Variants in CCDC80 observed in about 807,000 individuals in gnomAD.
The protein encoded by CCDC80 is coiled-coil domain containing 80.
Under a neutral mutation model 78.7 loss-of-function variants are expected in CCDC80, and 49 were observed. That is an observed-to-expected ratio of 0.62 (90% CI 0.50 to 0.79). CCDC80 has a LOEUF of 0.79. Ranked by LOEUF, CCDC80 falls within the 30% of genes least tolerant of loss-of-function variation. The probability of loss-of-function intolerance (pLI) is 0.00; values close to 1 mark genes in which losing one functional copy is unlikely to be tolerated. For synonymous variants in CCDC80, 488 were observed against 447.0 expected (o/e 1.09, Z -1.16); for missense variants, 1,205 against 1,198.6 (o/e 1.01, Z -0.08).
chr3:112,616,748 T>G lies in CCDC80; in HGVS notation c.2283A>C (p.Lys761Asn). ...EKQKKEGIVC[K>N]EDKKQSLENF... is the part of the protein sequence containing the mutation. Reference sequence around the variant, plus strand: ...TCTCCAGGGACTGCTTTTTGTCCTCTTTGCAAACAATGCCCTCCTTCTTCT... The same window carrying G: ...TCTCCAGGGACTGCTTTTTGTCCTCGTTGCAAACAATGCCCTCCTTCTTCT... The change falls in exon 5 of 8, where the codon AAA becomes AAC. Residue 761 changes from lysine (K) to asparagine (N), a missense_variant. Coordinates refer to ENST00000206423, the MANE Select transcript of CCDC80 (RefSeq NM_199511.3). 1 of 1,614,222 alleles carries G rather than the reference T, an allele frequency of 6.2e-7. No individual in the cohort carries two copies. Among genetic ancestry groups the G allele is most frequent in the Non-Finnish European group, 8.5e-7 (1 of 1,180,022 alleles).
chr3:112,605,594 T>G lies in CCDC80; in HGVS notation c.2676A>C (p.Leu892Phe). 6.2e-7 allele frequency: 1 copy of G among 1,614,186 alleles called. No individual in the cohort carries two copies. The highest frequency in any genetic ancestry group is 8.5e-7 in the Non-Finnish European group (1 of 1,180,022). ...GTCTCCGAAGTTGCATCGAATCAATTAAATCGTACACAATCACCATGGACC... is the reference window on the plus strand; with the variant it reads ...GTCTCCGAAGTTGCATCGAATCAATGAAATCGTACACAATCACCATGGACC... ...PMWSMVIVYD[L>F]IDSMQLRRQE... Residue 892 changes from leucine (L) to phenylalanine (F), a missense_variant, in exon 8 of 8, where the codon TTA becomes TTC. Transcript: ENST00000206423.
Position 112,605,453 on chromosome 3 carries a change from A to G in CCDC80, c.2817T>C (p.Arg939=), listed in dbSNP as rs776666983. 5.6e-6 allele frequency: 9 copies of G among 1,614,026 alleles called. No individual in the cohort carries two copies. In the East Asian group the frequency reaches 8.9e-5, roughly 16 times the overall value. ...GYQDGYQDDY[R]HHESYHHGYP... is the part of the protein sequence containing the mutation. ...ATCCATGGTGATAACTCTCATGATG[A>G]CGGTAGTCATCCTGGTAACCATCCT... Residue 939 remains arginine (R), a synonymous_variant, in exon 8 of 8, where the codon CGT becomes CGC. Coordinates refer to ENST00000206423, the MANE Select transcript of CCDC80 (RefSeq NM_199511.3).
chr3:112,620,559 T>G (rs991498187), intron 3 of CCDC80, among the ~76,000 whole-genome samples: 3 of 152,154 alleles, frequency 2.0e-5, no homozygotes, highest in Non-Finnish European at 4.4e-5. Context: ...ACTTTATTCC[T>G]GGTTGTAAGG....
Position 112,638,674 on chromosome 3 carries a change from G to A in CCDC80, c.1232C>T (p.Ser411Leu). The A allele has an allele frequency of 6.2e-7, 1 of 1,614,034 alleles. No individual in the cohort carries two copies. The highest frequency in any genetic ancestry group is 8.5e-7 in the Non-Finnish European group (1 of 1,180,006). The change falls in exon 2 of 8, where the codon TCA becomes TTA. Residue 411 changes from serine (S) to leucine (L), a missense_variant. By Grantham distance (145) the Ser-to-Leu change is moderately radical. Coordinates refer to ENST00000206423, the MANE Select transcript of CCDC80 (RefSeq NM_199511.3). Reference protein sequence around the residue: ...EVITARRPSVSENLYPPSRKD... With the variant: ...EVITARRPSVLENLYPPSRKD... ...CCGGGATGGAGGGTAAAGATTCTCT[G>A]AAACTGAGGGTCTCCTGGCAGTGAT...
Position 112,597,290 on chromosome 3 carries a change from A to T in CCDC80, c.*8127T>A, listed in dbSNP as rs1219586776. 6.6e-6 allele frequency: 1 copy of T among 152,218 alleles called. No homozygotes were observed. Among genetic ancestry groups the T allele is most frequent in the Admixed American group, 6.6e-5 (1 of 15,264 alleles). 9.4% of individuals were successfully genotyped at this position (152,218 alleles called of 1,614,324 possible). A position where few individuals can be genotyped will look rare whatever the true frequency, so the allele number is the denominator to read the frequency against. The stretch of plus-strand genomic sequence containing the variant: ...TTAGGAAGCTAAGTGGGTAAGAAAG[A>T]AAAAATAAAGGCAGAGCATAACGAT... On this transcript the variant is annotated 3_prime_UTR_variant, in exon 8 of 8. Coordinates refer to ENST00000206423, the MANE Select transcript of CCDC80 (RefSeq NM_199511.3).
At position 112,639,316 on chromosome 3, in the gene CCDC80, CCTT is replaced by C; in HGVS notation, c.587_589del (p.Glu196del). 6.2e-7 allele frequency: 1 copy of C among 1,614,198 alleles called. No homozygotes were observed. Among genetic ancestry groups the C allele is most frequent in the Non-Finnish European group, 8.5e-7 (1 of 1,180,032 alleles). ...GCTGGTGATCCTTCTCACCTTGCCT[CCTT>C]CCTCACCTGCCTGGTGGAAGAGCAC... On this transcript the variant is annotated inframe_deletion, in exon 2 of 8. Coordinates refer to ENST00000206423, the MANE Select transcript of CCDC80 (RefSeq NM_199511.3).
chr3:112,599,745 C>T lies in CCDC80; in HGVS notation c.*5672G>A, dbSNP rs1935342564. On this transcript the variant is annotated 3_prime_UTR_variant, in exon 8 of 8. Transcript: ENST00000206423. The stretch of plus-strand genomic sequence containing the variant: ...ATTATATTACAGAAAATGGGACCAG[C>T]TGGGTTGCACCCACTCCCCTGTGTC... 6.6e-6 allele frequency: 1 copy of T among 152,192 alleles called. No individual in the cohort carries two copies. The highest frequency in any genetic ancestry group is 2.1e-4 in the South Asian group (1 of 4,830). 9.4% of individuals were successfully genotyped at this position (152,192 alleles called of 1,614,324 possible).
At position 112,638,650 on chromosome 3, in the gene CCDC80, C is replaced by T. The variant is rs371496097; in HGVS notation, c.1256G>A (p.Arg419Gln). ...TGGCCTCTCCCTGTGCTGATCCTTC[C>T]GGGATGGAGGGTAAAGATTCTCTGA... The part of the protein sequence containing the change: ...SVSENLYPPS[R>Q]KDQHRERPQT... Residue 419 changes from arginine to glutamine, a missense_variant, in exon 2 of 8, where the codon CGG (arginine) becomes CAG (glutamine). Coordinates refer to ENST00000206423, the MANE Select transcript of CCDC80 (RefSeq NM_199511.3). 5.5e-5 allele frequency: 88 copies of T among 1,613,896 alleles called. No homozygotes were observed. The highest frequency in any genetic ancestry group is 6.7e-5 in the East Asian group (3 of 44,864).
intron 2 of CCDC80, among the ~76,000 whole-genome samples, chr3:112,633,804 C>T (rs572769953): frequency 3.9e-4 from 59 of 152,326 alleles, no homozygotes; most frequent in African/African-American, 1.3e-3. Flanking sequence ...TCTAGTTGGG[C>T]TGTATTTCAG....
chr3:112,605,451 T>C lies in CCDC80; in HGVS notation c.2819A>G (p.His940Arg), dbSNP rs747121351. 2.5e-5 allele frequency: 40 copies of C among 1,613,922 alleles called. No homozygotes were observed. The highest frequency in any genetic ancestry group is 2.5e-6 in the Non-Finnish European group (3 of 1,179,944). Residue 940 changes from histidine (H) to arginine (R), a missense_variant, in exon 8 of 8, where the codon CAT (histidine) becomes CGT (arginine). Coordinates refer to ENST00000206423, the MANE Select transcript of CCDC80 (RefSeq NM_199511.3). ...GTATCCATGGTGATAACTCTCATGA[T>C]GACGGTAGTCATCCTGGTAACCATC... ...YQDGYQDDYR[H>R]HESYHHGYPY
At position 112,610,039 on chromosome 3, in the gene CCDC80, G is replaced by T. The variant is rs763580261; in HGVS notation, c.2364C>A (p.Asn788Lys). The T allele has an allele frequency of 6.2e-7, 1 of 1,613,944 alleles. No homozygotes were observed. Among genetic ancestry groups the T allele is most frequent in the Non-Finnish European group, 8.5e-7 (1 of 1,179,968 alleles). The change falls in exon 6 of 8, where the codon AAC (asparagine) becomes AAA (lysine). Residue 788 changes from asparagine to lysine, a missense_variant. Asn to Lys is a moderately conservative substitution (Grantham distance 94). Transcript: ENST00000206423. ...GCTGTGAATAGGCCCAGTCTTCATC[G>T]TTAGGAGCAGAGATCACCAGCAACC... is the stretch of plus-strand genomic sequence containing the variant. ...RRRLLVISAP[N>K]DEDWAYSQQL...
chr3:112,629,339 GA>G (rs1196888353), intron 3 of CCDC80, among the ~76,000 whole-genome samples: 2 of 150,116 alleles, frequency 1.3e-5, no homozygotes, highest in Non-Finnish European at 3.0e-5. Context: ...GTGCATATAA[GA>G]AAAAAAGCTT....
Position 112,619,012 on chromosome 3 carries a change from T to G in CCDC80, c.2128A>C (p.Asn710His). Residue 710 changes from asparagine to histidine, a missense_variant, in exon 4 of 8, where the codon AAT (asparagine) becomes CAT (histidine). By Grantham distance (68) the Asn-to-His change is moderately conservative (BLOSUM62 1). Transcript: ENST00000206423. ...ELRKEYGMTY[N>H]DFFMVLTDVD... ...TCTGTTAGCACCATGAAGAAGTCAT[T>G]GTAGGTCATTCCGTACTCTTTCCTC... 1 of 1,613,670 alleles carries G rather than the reference T, an allele frequency of 6.2e-7. No homozygotes were observed. The highest frequency in any genetic ancestry group is 8.5e-7 in the Non-Finnish European group (1 of 1,179,858).
Position 112,601,020 on chromosome 3 carries a change from A to C in CCDC80, c.*4397T>G, listed in dbSNP as rs1576775106. ...TGTACAGACTATCCAAGAAAAAATG[A>C]GGAGGAAAGTGCTCCATCAAGGAAG... On this transcript the variant is annotated 3_prime_UTR_variant, in exon 8 of 8. Transcript: ENST00000206423. The C allele has an allele frequency of 6.6e-6, 1 of 152,322 alleles. No individual in the cohort carries two copies. The highest frequency in any genetic ancestry group is 2.1e-4 in the South Asian group (1 of 4,824). 9.4% of individuals were successfully genotyped at this position (152,322 alleles called of 1,614,324 possible). A position where few individuals can be genotyped will look rare whatever the true frequency, so the allele number is the denominator to read the frequency against.
At chr3:112,610,311 G>A (rs1371544246) in intron 5 of CCDC80, 3 of 523,770 alleles carry the variant, frequency 5.7e-6, no homozygotes, top group African/African-American at 3.8e-5. Flanking sequence ...TTTGCATGAC[G>A]TGTCAAGCAT....
Position 112,639,649 on chromosome 3 carries a change from G to A in CCDC80, c.257C>T (p.Ala86Val). 6.2e-7 allele frequency: 1 copy of A among 1,614,152 alleles called. No individual in the cohort carries two copies. The change falls in exon 2 of 8, where the codon GCT becomes GTT. Residue 86 changes from alanine (A) to valine (V), a missense_variant. Transcript: ENST00000206423. Reference protein sequence around the residue: ...RRRSVPVLRLARPTEPPARSD... With the variant: ...RRRSVPVLRLVRPTEPPARSD... ...GCGGGCTGGCGGCTCTGTTGGGCGAGCTAGTCTCAACACGGGCACACTCCT... is the reference window on the plus strand; with the variant it reads ...GCGGGCTGGCGGCTCTGTTGGGCGAACTAGTCTCAACACGGGCACACTCCT...
chr3:112,619,019 C>T lies in CCDC80; in HGVS notation c.2121G>A (p.Met707Ile). 6.2e-7 allele frequency: 1 copy of T among 1,613,352 alleles called. No homozygotes were observed. Among genetic ancestry groups the T allele is most frequent in the Non-Finnish European group, 8.5e-7 (1 of 1,179,800 alleles). The change falls in exon 4 of 8, where the codon ATG becomes ATA. Residue 707 changes from methionine to isoleucine, a missense_variant. Transcript: ENST00000206423. ...GCACCATGAAGAAGTCATTGTAGGT[C>T]ATTCCGTACTCTTTCCTCAGCTCGC... Reference protein sequence around the residue: ...LISELRKEYGMTYNDFFMVLT... With the variant: ...LISELRKEYGITYNDFFMVLT...
chr3:112,613,124 G>A (rs977922573), intron 5 of CCDC80, among the ~76,000 whole-genome samples: 1 of 152,178 alleles, frequency 6.6e-6, no homozygotes, highest in Middle Eastern at 3.4e-3. Flanking sequence ...TTTTGCAAAT[G>A]AGAAAACTGA....
chr3:112,640,048 GAGA>G (rs914929480), intron 1 of CCDC80, 132 bp from the exon 2 acceptor site: 1 of 1,421,576 alleles, frequency 7.0e-7, no homozygotes, highest in Non-Finnish European at 9.2e-7. Flanking sequence ...GTTGGTTAGA[GAGA>G]AGGAGGGAGG....
Sources: gnomAD v4.1 joint callset for allele counts (sites outside exome capture counted in the v4.1 genomes callset) on GRCh38, gnomAD v4.1.1 for gene constraint, MANE v1.5 for transcripts, NCBI Gene and HGNC (gene_info 2026-07-23, HGNC 2026-07-21) for gene names.